Variants in ASIC2 observed in about 807,000 individuals in gnomAD.
ASIC2 encodes acid-sensing ion channel 2.
A neutral mutation model predicts 57.3 loss-of-function variants in ASIC2; 25 were observed. That is an observed-to-expected ratio of 0.44 (90% CI 0.32 to 0.61). The LOEUF is 0.61. ASIC2 is among the 20% of genes least tolerant of loss of function. The pLI is 0.06. For missense variants in ASIC2, 641 were observed against 738.1 expected (o/e 0.87, Z 1.52); for synonymous variants, 319 against 307.5 (o/e 1.04, Z -0.39).
Position 33,024,439 on chromosome 17 carries a change from C to T in ASIC2, c.1196-425G>A, listed in dbSNP as rs142256731. ...TGGGGCTCCCTCATAGCCAGTGCCC[C>T]ACCTTCTCTGCCTGGTGGGTTAGGA... On this transcript the variant is annotated intron_variant, in intron 5 of 9. Coordinates refer to ENST00000225823, the MANE Select transcript of ASIC2 (RefSeq NM_183377.2). Among the ~76,000 whole-genome samples the T allele has an allele frequency of 3.5e-3, 538 of 152,304 alleles. 4 individuals carry two copies. The highest frequency in any genetic ancestry group is 5.8e-3 in the South Asian group (28 of 4,824).
At chr17:33,903,319 A>G (rs957998558) in intron 1 of ASIC2, among the ~76,000 whole-genome samples, 1 of 152,172 alleles carries the variant, frequency 6.6e-6, no homozygotes, top group African/African-American at 2.4e-5. Context: ...AGCAATCTCC[A>G]TACTAATCTG....
Position 34,145,476 on chromosome 17 carries a change from T to C in ASIC2, c.555+10502A>G, listed in dbSNP as rs145313651. ...ACCCTTTACCTGACATTGATCCACA[T>C]CTGCAGCATTGCCAATAAGCAATTG... is the stretch of plus-strand genomic sequence containing the variant. On this transcript the variant is annotated intron_variant, in intron 1 of 9. Coordinates refer to the ASIC2 transcript ENST00000359872. 3.7e-3 allele frequency among the ~76,000 whole-genome samples: 564 copies of C among 152,298 alleles called. 3 individuals are homozygous for C. Among genetic ancestry groups the C allele is most frequent in the African/African-American group, 0.013 (529 of 41,568 alleles).
In ASIC2 at chr17:34,125,726, C is replaced by T. The variant is rs150912482; in HGVS notation, c.555+30252G>A. The stretch of plus-strand genomic sequence containing the variant: ...AGGTGTAACATGATTATATGAATTG[C>T]CCACAGCCCCACAAGTAGTAGGTTG... On this transcript the variant is annotated intron_variant, in intron 1 of 9. Transcript: ENST00000359872. Among the ~76,000 whole-genome samples the T allele has an allele frequency of 2.0e-5, 3 of 152,274 alleles. No homozygotes were observed. The East Asian group carries it at 5.8e-4, about 29-fold the overall frequency.
intron 1 of ASIC2, among the ~76,000 whole-genome samples, chr17:33,743,890 C>T (rs1030459879): frequency 6.6e-6 from 1 of 152,152 alleles, no homozygotes; most frequent in Non-Finnish European, 1.5e-5. Context: ...GTCTTTGCCC[C>T]AAGTACAACA....
chr17:33,386,570 C>G (rs1909684719), intron 1 of ASIC2, among the ~76,000 whole-genome samples: 1 of 152,150 alleles, frequency 6.6e-6, no homozygotes, highest in Non-Finnish European at 1.5e-5. Flanking sequence ...TTACTGCCAC[C>G]TCTCTGAGCT....
At chr17:33,627,651 A>G (rs1906029768) in intron 1 of ASIC2, among the ~76,000 whole-genome samples, 1 of 152,196 alleles carries the variant, frequency 6.6e-6, no homozygotes, top group African/African-American at 2.4e-5. Flanking sequence ...GTTAAGTTCA[A>G]TGTTTTCTGA....
At chr17:34,072,608 A>T (rs1909459461) in intron 1 of ASIC2, among the ~76,000 whole-genome samples, 1 of 152,234 alleles carries the variant, frequency 6.6e-6, no homozygotes, top group African/African-American at 2.4e-5. Flanking sequence ...CTACCTAGAG[A>T]TGAATAAAAG....
At chr17:33,144,555 T>C (rs1904476075) in intron 1 of ASIC2, among the ~76,000 whole-genome samples, 1 of 152,194 alleles carries the variant, frequency 6.6e-6, no homozygotes, top group Non-Finnish European at 1.5e-5. Flanking sequence ...ATTTCTCTTA[T>C]GTGTAAGTGA....
intron 1 of ASIC2, among the ~76,000 whole-genome samples, chr17:34,008,207 G>A (rs750450923): frequency 1.2e-4 from 18 of 152,182 alleles, no homozygotes; most frequent in Admixed American, 2.6e-4. Flanking sequence ...ACTGTGCTAA[G>A]CAGAGTTCCT....
chr17:33,257,267 C>A (rs1340204270), intron 1 of ASIC2, among the ~76,000 whole-genome samples: 3 of 152,192 alleles, frequency 2.0e-5, no homozygotes, highest in Non-Finnish European at 2.9e-5. Context: ...CCCTCCTTTA[C>A]AAAGCCCATT....
intron 1 of ASIC2, among the ~76,000 whole-genome samples, chr17:34,103,774 TA>T (rs1910949866): frequency 6.6e-6 from 1 of 152,204 alleles, no homozygotes; most frequent in Non-Finnish European, 1.5e-5. Context: ...TAAACATGTG[TA>T]TCTATTTATG....
intron 1 of ASIC2, among the ~76,000 whole-genome samples, chr17:33,465,347 G>A (rs1912826320): frequency 6.6e-6 from 1 of 150,996 alleles, no homozygotes; most frequent in Non-Finnish European, 1.5e-5. Flanking sequence ...GAAGATCTTT[G>A]AGTGTGGGCC....
chr17:33,558,867 A>T (rs1915989074), intron 1 of ASIC2, among the ~76,000 whole-genome samples: 2 of 152,064 alleles, frequency 1.3e-5, no homozygotes, highest in South Asian at 4.1e-4. Context: ...CCCAAATTCA[A>T]GCAATACTCC....
intron 3 of ASIC2, 82 bp from the exon 4 acceptor site, chr17:33,028,474 A>G (rs563579912): frequency 1.3e-6 from 2 of 1,505,480 alleles, no homozygotes; most frequent in South Asian, 1.2e-5. Flanking sequence ...TCAACAAACA[A>G]TTATTGAGCA....
At chr17:33,954,632 C>T (rs1567767613) in intron 1 of ASIC2, among the ~76,000 whole-genome samples, 1 of 152,208 alleles carries the variant, frequency 6.6e-6, no homozygotes, top group Non-Finnish European at 1.5e-5. Flanking sequence ...TTCACCAGTG[C>T]TGACTGTTCA....
At chr17:33,938,355 C>T (rs1381778943) in intron 1 of ASIC2, among the ~76,000 whole-genome samples, 3 of 152,174 alleles carry the variant, frequency 2.0e-5, no homozygotes, top group Admixed American at 6.5e-5. Context: ...CCCACCAACG[C>T]TAGAGGCTGT....
At chr17:34,091,633 A>C (rs75940870) in intron 1 of ASIC2, among the ~76,000 whole-genome samples, 5,159 of 152,332 alleles carry the variant, frequency 0.034, 275 homozygotes, top group African/African-American at 0.11. Flanking sequence ...TTTCTTTCTC[A>C]AGTGGAAAGC....
In ASIC2 at chr17:33,140,914, G is replaced by C. The variant is rs541840419; in HGVS notation, c.709-28847C>G. ...TCCGGGCCACAAGGCAGAACCACAA[G>C]ACAGAACCACAAGACATGGACACAG... On this transcript the variant is annotated intron_variant, in intron 1 of 9. Transcript: ENST00000225823. 1.2e-4 allele frequency among the ~76,000 whole-genome samples: 19 copies of C among 152,352 alleles called. 1 individual carries two copies. The highest frequency in any genetic ancestry group is 1.2e-3 in the Admixed American group (18 of 15,308).
At chr17:33,716,151 T>C (rs1909212057) in intron 1 of ASIC2, among the ~76,000 whole-genome samples, 1 of 152,190 alleles carries the variant, frequency 6.6e-6, no homozygotes, top group African/African-American at 2.4e-5. Flanking sequence ...TTATTTAGCC[T>C]GCAGGAACAG....
Sources: gnomAD v4.1 joint callset for allele counts (sites outside exome capture counted in the v4.1 genomes callset) on GRCh38, gnomAD v4.1.1 for gene constraint, MANE v1.5 for transcripts, NCBI Gene and HGNC (gene_info 2026-07-23, HGNC 2026-07-21) for gene names.